Variants in PLPP4 observed in about 807,000 individuals in gnomAD.
The protein encoded by PLPP4 is diacylglycerol pyrophosphate like 2.
Under a neutral mutation model 32.2 loss-of-function variants are expected in PLPP4, and 20 were observed. The ratio of observed to expected loss-of-function variants is 0.62; its 90% CI spans 0.44 to 0.90. The LOEUF (loss-of-function observed/expected upper bound fraction) is 0.90, where lower values mean the gene tolerates loss of function less well. PLPP4 is among the 40% of genes least tolerant of loss of function. PLPP4 has a pLI of 0.00. For synonymous variants in PLPP4, 127 were observed against 133.0 expected (o/e 0.95, Z 0.31); for missense variants, 257 against 353.1 (o/e 0.73, Z 2.18).
Position 120,564,513 on chromosome 10 carries a change from T to A in PLPP4, c.446-10618T>A, listed in dbSNP as rs867417079. 5.3e-5 allele frequency among the ~76,000 whole-genome samples: 8 copies of A among 152,056 alleles called. No individual in the cohort carries two copies. In the South Asian group the frequency reaches 1.7e-3, roughly 32 times the overall value. Reference sequence around the variant, plus strand: ...TGGTGTTCAGATCTTATATGTCCTATCTAATATTTCTGTTTTCTGTTTATT... The same window carrying A: ...TGGTGTTCAGATCTTATATGTCCTAACTAATATTTCTGTTTTCTGTTTATT... On this transcript the variant is annotated intron_variant, in intron 5 of 6. Coordinates refer to ENST00000398250, the MANE Select transcript of PLPP4 (RefSeq NM_001030059.3).
chr10:120,496,812 A>G (rs1338699349), intron 1 of PLPP4, among the ~76,000 whole-genome samples: 12 of 152,084 alleles, frequency 7.9e-5, no homozygotes, highest in Non-Finnish European at 1.6e-4. Context: ...GGGGTCTTTA[A>G]GTCATGTTGA....
rs1935948985 is a variant in PLPP4 at position 120,591,920 on chromosome 10, A to G, written c.*2418A>G. 6.6e-6 allele frequency among the ~76,000 whole-genome samples: 1 copy of G among 152,224 alleles called. No homozygotes were observed. The highest frequency in any genetic ancestry group is 2.4e-5 in the African/African-American group (1 of 41,454). On this transcript the variant is annotated 3_prime_UTR_variant, in exon 7 of 7. Coordinates refer to ENST00000398250, the MANE Select transcript of PLPP4 (RefSeq NM_001030059.3). Reference sequence around the variant, plus strand: ...GATGTAATAACATGAAGCTGGTGGTAGGATCCTCAGGAGCCATAATGAACA... The same window carrying G: ...GATGTAATAACATGAAGCTGGTGGTGGGATCCTCAGGAGCCATAATGAACA...
intron 2 of PLPP4, among the ~76,000 whole-genome samples, chr10:120,506,784 C>T (rs1403473464): frequency 3.9e-5 from 6 of 152,204 alleles, no homozygotes; most frequent in East Asian, 1.9e-4. Context: ...CTTGCACTTT[C>T]GCTGTCTGTG....
chr10:120,537,657 A>G (rs1847092346), intron 5 of PLPP4, among the ~76,000 whole-genome samples: 1 of 152,180 alleles, frequency 6.6e-6, no homozygotes, highest in Admixed American at 6.5e-5. Flanking sequence ...TATACTTGAA[A>G]TTTGCAAAGA....
intron 1 of PLPP4, among the ~76,000 whole-genome samples, chr10:120,459,396 C>T (rs1847938924): frequency 6.6e-6 from 1 of 152,176 alleles, no homozygotes; most frequent in African/African-American, 2.4e-5. Flanking sequence ...TGTTCAGATG[C>T]TGTTAGTATC....
intron 5 of PLPP4, among the ~76,000 whole-genome samples, chr10:120,541,566 T>A (rs1397151263): frequency 6.6e-6 from 1 of 152,212 alleles, no homozygotes; most frequent in Non-Finnish European, 1.5e-5. Flanking sequence ...GCATGTGTTT[T>A]GCTGTGAGGG....
At chr10:120,584,186 C>T (rs1303471213) in intron 6 of PLPP4, among the ~76,000 whole-genome samples, 3 of 152,320 alleles carry the variant, frequency 2.0e-5, no homozygotes, top group Non-Finnish European at 1.5e-5. Context: ...CTCTACTTCT[C>T]AACCTCTCCC....
intron 1 of PLPP4, among the ~76,000 whole-genome samples, chr10:120,458,294 C>G (rs181971062): frequency 1.3e-5 from 2 of 152,232 alleles, no homozygotes; most frequent in African/African-American, 4.8e-5. Context: ...TTCTCTCCCC[C>G]TCTCTGCCCA....
chr10:120,589,363 A>C lies in PLPP4; in HGVS notation c.677A>C (p.Tyr226Ser). The C allele has an allele frequency of 1.9e-6, 3 of 1,614,156 alleles. No individual in the cohort carries two copies. Among genetic ancestry groups the C allele is most frequent in the Non-Finnish European group, 2.5e-6 (3 of 1,180,038 alleles). The change falls in exon 7 of 7, where the codon TAT becomes TCT. Residue 226 changes from tyrosine to serine, a missense_variant. Coordinates refer to ENST00000398250, the MANE Select transcript of PLPP4 (RefSeq NM_001030059.3). ...IFAYICYRQH[Y>S]PPLANTACHK... ...GCATACATTTGCTACAGACAGCACT[A>C]TCCTCCTCTGGCCAACACAGCTTGC...
At chr10:120,564,225 C>T (rs926459701) in intron 5 of PLPP4, among the ~76,000 whole-genome samples, 1 of 151,302 alleles carries the variant, frequency 6.6e-6, no homozygotes, top group South Asian at 2.1e-4. Flanking sequence ...CTTCTGTGAC[C>T]CACAGTTGTT....
intron 1 of PLPP4, among the ~76,000 whole-genome samples, chr10:120,477,565 T>C (rs1448855027): frequency 6.6e-6 from 1 of 152,204 alleles, no homozygotes; most frequent in Non-Finnish European, 1.5e-5. Context: ...TGGTCTGGAC[T>C]GAGCTGGGTC....
At chr10:120,545,821 G>A (rs1847587328) in intron 5 of PLPP4, among the ~76,000 whole-genome samples, 1 of 152,202 alleles carries the variant, frequency 6.6e-6, no homozygotes, top group Non-Finnish European at 1.5e-5. Context: ...TGCCCAAGGA[G>A]ATTCACATTT....
chr10:120,497,395 C>T (rs1845018988), intron 1 of PLPP4, among the ~76,000 whole-genome samples: 1 of 151,836 alleles, frequency 6.6e-6, no homozygotes, highest in South Asian at 2.1e-4. Context: ...GCTTGCCTTC[C>T]ACTCACTTAA....
intron 5 of PLPP4, among the ~76,000 whole-genome samples, chr10:120,537,870 AGC>A (rs1847102657): frequency 6.6e-6 from 1 of 151,784 alleles, no homozygotes; most frequent in South Asian, 2.1e-4. Flanking sequence ...AAATACCATG[AGC>A]GAGCACTGTT....
chr10:120,531,351 G>A (rs1425113234), intron 5 of PLPP4, among the ~76,000 whole-genome samples: 2 of 152,028 alleles, frequency 1.3e-5, no homozygotes, highest in Non-Finnish European at 2.9e-5. Flanking sequence ...TGATCCGACC[G>A]CCTCAGCCTC....
chr10:120,551,432 T>C (rs1847899553), intron 5 of PLPP4, among the ~76,000 whole-genome samples: 1 of 152,192 alleles, frequency 6.6e-6, no homozygotes, highest in East Asian at 1.9e-4. Context: ...TACAAAATAT[T>C]AATAGCAGTT....
intron 1 of PLPP4, among the ~76,000 whole-genome samples, chr10:120,501,776 A>C (rs1446920638): frequency 6.6e-6 from 1 of 152,212 alleles, no homozygotes; most frequent in Non-Finnish European, 1.5e-5. Flanking sequence ...TAAAATCCAC[A>C]TTACCAGACA....
chr10:120,526,581 G>C (rs948270610), intron 5 of PLPP4, among the ~76,000 whole-genome samples: 2 of 152,114 alleles, frequency 1.3e-5, no homozygotes, highest in Admixed American at 6.5e-5. Flanking sequence ...GTGCTCACAG[G>C]TCAGTTCTTA....
At chr10:120,503,020 C>G (rs2133865032) in intron 1 of PLPP4, among the ~76,000 whole-genome samples, 1 of 152,342 alleles carries the variant, frequency 6.6e-6, no homozygotes, top group East Asian at 1.9e-4. Context: ...ATCTGCTAGT[C>G]TCTCTTGTAG....
Sources: gnomAD v4.1 joint callset for allele counts (sites outside exome capture counted in the v4.1 genomes callset) on GRCh38, gnomAD v4.1.1 for gene constraint, MANE v1.5 for transcripts, NCBI Gene and HGNC (gene_info 2026-07-23, HGNC 2026-07-21) for gene names.